Variants in ATP2A3 observed in about 807,000 individuals in gnomAD.
ATP2A3 encodes ATPase sarcoplasmic/endoplasmic reticulum Ca2+ transporting 3, also known as sarcoplasmic/endoplasmic reticulum calcium ATPase 3.
A neutral mutation model predicts 106.8 loss-of-function variants in ATP2A3; 61 were observed. That is an observed-to-expected ratio of 0.57 (90% CI 0.46 to 0.71). The LOEUF (loss-of-function observed/expected upper bound fraction) is 0.71, where lower values mean the gene tolerates loss of function less well. Ranked by LOEUF, ATP2A3 falls within the 30% of genes least tolerant of loss-of-function variation. The probability of loss-of-function intolerance (pLI) is 0.00; values close to 1 mark genes in which losing one functional copy is unlikely to be tolerated. For missense variants in ATP2A3, 1,201 were observed against 1,423.5 expected (o/e 0.84, Z 2.52); for synonymous variants, 611 against 609.3 (o/e 1.00, Z -0.04).
rs1307691147 is a variant in ATP2A3, at chr17:3,954,557, C to T, written c.119-847G>A. On this transcript the variant is annotated intron_variant, in intron 1 of 20. Coordinates refer to ENST00000397041, the MANE Select transcript of ATP2A3 (RefSeq NM_005173.4). ...TGTCGCCCAGGCCAGAGTGCAGTGGCGCAATCTTGGCTCACTGCAACCTCC... is the reference window on the plus strand; with the variant it reads ...TGTCGCCCAGGCCAGAGTGCAGTGGTGCAATCTTGGCTCACTGCAACCTCC... 1.0e-4 allele frequency among the ~76,000 whole-genome samples: 15 copies of T among 149,288 alleles called. No homozygotes were observed. The East Asian group carries it at 2.2e-3, about 22-fold the overall frequency.
At chr17:3,954,909 C>T (rs578048024) in intron 1 of ATP2A3, among the ~76,000 whole-genome samples, 72 of 152,310 alleles carry the variant, frequency 4.7e-4, no homozygotes, top group African/African-American at 1.7e-3. Context: ...AGGCAGGTGG[C>T]AGGGAGTTCC....
Position 3,924,847 on chromosome 17 carries a change from T to C in ATP2A3, c.*575A>G, listed in dbSNP as rs1197382625. 1 of 456,726 alleles carries C rather than the reference T, an allele frequency of 2.2e-6. No individual in the cohort carries two copies. The highest frequency in any genetic ancestry group is 2.3e-5 in the Admixed American group (1 of 42,568). The allele number at this position is 456,726 out of a possible 1,614,324, so 28.3% of individuals were successfully genotyped here. ...AGCCTCGAGCTCTCGGGAGCCGACTTTGTGGAAGCAGAGTGGAGTGGAGGG... is the reference window on the plus strand; with the variant it reads ...AGCCTCGAGCTCTCGGGAGCCGACTCTGTGGAAGCAGAGTGGAGTGGAGGG... On this transcript the variant is annotated 3_prime_UTR_variant, in exon 21 of 21. Coordinates refer to ENST00000397041, the MANE Select transcript of ATP2A3 (RefSeq NM_005173.4). The surrounding 1 kb of genome is among the most constrained non-coding windows in gnomAD (Gnocchi z 6.4).
In ATP2A3 at chr17:3,924,961, G is replaced by A. The variant is rs1413087272; in HGVS notation, c.*461C>T. On this transcript the variant is annotated 3_prime_UTR_variant, in exon 21 of 21. Coordinates refer to ENST00000397041, the MANE Select transcript of ATP2A3 (RefSeq NM_005173.4). The surrounding 1 kb of genome is among the most constrained non-coding windows in gnomAD (Gnocchi z 6.4). ...CCCAGTCCCAGACCAGGCACGAAGAGAGAGGTCAGAGCCGGTAAGAAGGAC... is the reference window on the plus strand; with the variant it reads ...CCCAGTCCCAGACCAGGCACGAAGAAAGAGGTCAGAGCCGGTAAGAAGGAC... 4 of 405,924 alleles carry A rather than the reference G, an allele frequency of 9.9e-6. No individual in the cohort carries two copies. In the Admixed American group the frequency reaches 1.2e-4, roughly 12 times the overall value. The allele number at this position is 405,924 out of a possible 1,614,324, so 25.1% of individuals were successfully genotyped here.
chr17:3,928,660 C>T lies in ATP2A3; in HGVS notation c.2980+3G>A. 1 of 1,549,758 alleles carries T rather than the reference C, an allele frequency of 6.5e-7. No individual in the cohort carries two copies. Among genetic ancestry groups the T allele is most frequent in the Non-Finnish European group, 8.7e-7 (1 of 1,145,998 alleles). ...TGGAGGCGGGACGGGGCCTCCCACT[C>T]ACCGTGCATGTGGTTCCGGGACAGG... On this transcript the variant is annotated splice_donor_region_variant and intron_variant, in intron 20 of 20. Transcript: ENST00000397041. This position sits in a 1 kb window ranked among gnomAD's most constrained non-coding sequence, Gnocchi z 6.1.
At chr17:3,949,287 G>A (rs1460580835) in intron 7 of ATP2A3, among the ~76,000 whole-genome samples, 1 of 152,138 alleles carries the variant, frequency 6.6e-6, no homozygotes, top group African/African-American at 2.4e-5. Flanking sequence ...GCTCCTTGCT[G>A]GCCTCAGGCT....
In ATP2A3 at chr17:3,941,091, G is replaced by T; in HGVS notation, c.1980C>A (p.Asp660Glu). The change falls in exon 14 of 21, where the codon GAC becomes GAA. Residue 660 changes from aspartate (D) to glutamate (E), a missense_variant. Physicochemically the swap from Asp to Glu is conservative, Grantham distance 45 (BLOSUM62 2). Around this residue, in one of 2 missense-constraint regions of ATP2A3, gnomAD observed 935 missense variants for 1,176.7 expected, o/e 0.79. Transcript: ENST00000397041. ...CCTGGCGCTGCTGCTCGGGGCTGAG[G>T]TCATCAAACTCGCGGCCCGTGTAGG... ...GKAYTGREFD[D>E]LSPEQQRQAC... 1 of 1,613,948 alleles carries T rather than the reference G, an allele frequency of 6.2e-7. No individual in the cohort carries two copies. The highest frequency in any genetic ancestry group is 8.5e-7 in the Non-Finnish European group (1 of 1,179,926).
At chr17:3,954,578 C>T (rs1411738513) in intron 1 of ATP2A3, among the ~76,000 whole-genome samples, 1 of 151,404 alleles carries the variant, frequency 6.6e-6, no homozygotes. Flanking sequence ...CTCACTGCAA[C>T]CTCCACCTCC....
chr17:3,957,115 G>C (rs2054827076), intron 1 of ATP2A3, among the ~76,000 whole-genome samples: 1 of 152,252 alleles, frequency 6.6e-6, no homozygotes, highest in South Asian at 2.1e-4. Context: ...GTGCTTAGCG[G>C]AGGTCATAGC....
intron 14 of ATP2A3, among the ~76,000 whole-genome samples, chr17:3,938,826 C>G (rs1293634922): frequency 5.9e-5 from 9 of 152,220 alleles, no homozygotes; most frequent in East Asian, 5.8e-4. Context: ...CGTGAGCCAC[C>G]GTGCCCGGCC....
intron 11 of ATP2A3, among the ~76,000 whole-genome samples, chr17:3,943,056 G>A (rs1425898690): frequency 1.3e-5 from 2 of 152,282 alleles, no homozygotes; most frequent in African/African-American, 4.8e-5. Context: ...GGGAGGCCAA[G>A]GCAGGCAGAT....
chr17:3,957,949 T>C (rs532463905), intron 1 of ATP2A3, among the ~76,000 whole-genome samples: 1 of 152,260 alleles, frequency 6.6e-6, no homozygotes, highest in Non-Finnish European at 1.5e-5. Flanking sequence ...TCCGCCACGG[T>C]GACCCCTGCC....
At position 3,925,191 on chromosome 17, in the gene ATP2A3, AG is replaced by A; in HGVS notation, c.*230del. 1.5e-6 allele frequency: 1 copy of A among 654,520 alleles called. No individual in the cohort carries two copies. Among genetic ancestry groups the A allele is most frequent in the East Asian group, 2.8e-5 (1 of 36,362 alleles). 40.5% of individuals were successfully genotyped at this position (654,520 alleles called of 1,614,324 possible). A position where few individuals can be genotyped will look rare whatever the true frequency, so the allele number is the denominator to read the frequency against. On this transcript the variant is annotated 3_prime_UTR_variant, in exon 21 of 21. Coordinates refer to ENST00000397041, the MANE Select transcript of ATP2A3 (RefSeq NM_005173.4). The surrounding 1 kb of genome is among the most constrained non-coding windows in gnomAD (Gnocchi z 4.2). ...AGAGCTGCAGAGCAGGGAACTTCCC[AG>A]GAGAGTCCAGGAGACAGGAATTACA...
Position 3,954,427 on chromosome 17 carries a change from G to A in ATP2A3, c.119-717C>T, listed in dbSNP as rs561995472. ...CCAGCCCCGCCCCACATACCCAGTC[G>A]CCCCCCACACAACATGGTGAAGAAC... On this transcript the variant is annotated intron_variant, in intron 1 of 20. Coordinates refer to ENST00000397041, the MANE Select transcript of ATP2A3 (RefSeq NM_005173.4). Among the ~76,000 whole-genome samples the A allele has an allele frequency of 6.8e-3, 868 of 126,876 alleles. 15 individuals are homozygous for A. The highest frequency in any genetic ancestry group is 0.025 in the African/African-American group (829 of 32,590). 83.2% of individuals were successfully genotyped at this position (126,876 alleles called of 152,430 possible).
At chr17:3,946,639 C>T (rs1205702349) in intron 8 of ATP2A3, among the ~76,000 whole-genome samples, 1 of 152,182 alleles carries the variant, frequency 6.6e-6, no homozygotes, top group African/African-American at 2.4e-5. Context: ...CAGTAAAGCT[C>T]GGTAGCACCC....
chr17:3,963,948 G>A (rs1277681878), intron 1 of ATP2A3, among the ~76,000 whole-genome samples: 1 of 152,104 alleles, frequency 6.6e-6, no homozygotes, highest in Non-Finnish European at 1.5e-5. Context: ...AGGGTGCCAG[G>A]CGTCCGGTCT....
At chr17:3,964,120 G>T in intron 1 of ATP2A3, 54 bp downstream of exon 1, 1 of 997,564 alleles carries the variant, frequency 1.0e-6, no homozygotes, top group African/African-American at 1.7e-5. Context: ...GGGAAACTGA[G>T]ACTGCGGCGC....
chr17:3,935,948 T>C (rs190586834), intron 16 of ATP2A3, among the ~76,000 whole-genome samples: 1 of 152,310 alleles, frequency 6.6e-6, no homozygotes, highest in African/African-American at 2.4e-5. Flanking sequence ...CTTATCATAC[T>C]ACCGGGAGAG....
rs777917900 is a variant in ATP2A3, at chr17:3,942,665, C to T, written c.1486G>A (p.Val496Met). 3.1e-6 allele frequency: 5 copies of T among 1,613,564 alleles called. No homozygotes were observed. Among genetic ancestry groups the T allele is most frequent in the Admixed American group, 3.3e-5 (2 of 60,016 alleles). The change falls in exon 12 of 21, where the codon GTG becomes ATG. Residue 496 changes from valine to methionine, a missense_variant. By Grantham distance (21) the Val-to-Met change is conservative. This residue lies in a region of ATP2A3 where 935 missense variants were observed against 1,176.7 expected (regional missense o/e 0.79). Coordinates refer to ENST00000397041, the MANE Select transcript of ATP2A3 (RefSeq NM_005173.4). ...EFSRDRKSMS[V>M]YCTPTRPHPT... is the part of the protein sequence containing the mutation. ...TGAGGGCGGGTGGGCGTGCAGTACA[C>T]GGACATGGATTTCCGGTCTCGGGAG...
rs1194869427 is a variant in ATP2A3, at chr17:3,964,267, C to T, written c.25G>A (p.Ala9Thr). The change falls in exon 1 of 21, where the codon GCC becomes ACC. Residue 9 changes from alanine (A) to threonine (T), a missense_variant. Ala to Thr is a moderately conservative substitution (Grantham distance 58). Around this residue, in one of 2 missense-constraint regions of ATP2A3, gnomAD observed 266 missense variants for 246.8 expected, o/e 1.08. Transcript: ENST00000397041. ...GAGAAGTGGCGCAGCACGTCGGCGG[C>T]CGGGAGCAGATGCGCCGCCTCCATG... is the stretch of plus-strand genomic sequence containing the variant. Reference protein sequence around the residue: MEAAHLLPAADVLRHFSVT... With the variant: MEAAHLLPTADVLRHFSVT... 1.6e-6 allele frequency: 2 copies of T among 1,282,160 alleles called. No homozygotes were observed. The highest frequency in any genetic ancestry group is 3.2e-5 in the Admixed American group (1 of 31,002). The allele number at this position is 1,282,160 out of a possible 1,614,324, so 79.4% of individuals were successfully genotyped here.
Sources: gnomAD v4.1 joint callset for allele counts (sites outside exome capture counted in the v4.1 genomes callset) on GRCh38, gnomAD v4.1.1 for gene constraint, gnomAD v4.1.1 regional missense constraint, Gnocchi (gnomAD v3.1) non-coding constraint, MANE v1.5 for transcripts, NCBI Gene and HGNC (gene_info 2026-07-23, HGNC 2026-07-21) for gene names.